Variants in WNK1 observed in about 807,000 individuals in gnomAD.
WNK1 encodes the protein WNK lysine deficient protein kinase 1.
A neutral mutation model predicts 222.8 loss-of-function variants in WNK1; 38 were observed. The observed-to-expected ratio is 0.17, with a 90% confidence interval of 0.13 to 0.22. WNK1 has a LOEUF of 0.22. WNK1 is among the 10% of genes least tolerant of loss of function. The pLI is 1.00. For synonymous variants in WNK1, 1,090 were observed against 1,092.9 expected (o/e 1.00, Z 0.05); for missense variants, 2,348 against 2,918.4 (o/e 0.80, Z 4.50).
intron 1 of WNK1, among the ~76,000 whole-genome samples, chr12:807,238 A>C (rs1946443358): frequency 6.6e-6 from 1 of 150,942 alleles, no homozygotes; most frequent in South Asian, 2.1e-4. Context: ...GCAGAGAATC[A>C]CTTGAGGCCA....
Position 909,502 on chromosome 12 carries a change from G to A in WNK1, c.*710G>A, listed in dbSNP as rs903226716. 1 of 152,232 alleles carries A rather than the reference G, an allele frequency of 6.6e-6. No individual in the cohort carries two copies. Among genetic ancestry groups the A allele is most frequent in the Admixed American group, 6.5e-5 (1 of 15,280 alleles). 9.4% of individuals were successfully genotyped at this position (152,232 alleles called of 1,614,324 possible). ...ATATATAAAATGTTGTTGGACAACAGTAGTTTTAAGAGTAAAATATGAAAC... is the reference window on the plus strand; with the variant it reads ...ATATATAAAATGTTGTTGGACAACAATAGTTTTAAGAGTAAAATATGAAAC... On this transcript the variant is annotated 3_prime_UTR_variant, in exon 28 of 28. Transcript: ENST00000315939.
In WNK1 at chr12:817,749, C is replaced by T. The variant is rs150123615; in HGVS notation, c.932+3935C>T. Among the ~76,000 whole-genome samples the T allele has an allele frequency of 4.6e-3, 694 of 152,108 alleles. 9 individuals are homozygous for T. Among genetic ancestry groups the T allele is most frequent in the African/African-American group, 0.016 (668 of 41,498 alleles). On this transcript the variant is annotated intron_variant, in intron 2 of 27. Coordinates refer to ENST00000315939, the MANE Select transcript of WNK1 (RefSeq NM_018979.4). ...AGGTCAGGATCACCTGAGGTCAGTT[C>T]GAAACCAGCCTGTCCAACATGGTGA... is the stretch of plus-strand genomic sequence containing the variant.
chr12:851,767 G>T (rs1187730142), intron 4 of WNK1: 2 of 1,346,026 alleles, frequency 1.5e-6, no homozygotes, highest in Non-Finnish European at 2.0e-6. Context: ...GCCCTCAAAA[G>T]GATTGTATAA....
At chr12:780,680 A>G (rs1390852850) in intron 1 of WNK1, among the ~76,000 whole-genome samples, 2 of 152,226 alleles carry the variant, frequency 1.3e-5, no homozygotes, top group Non-Finnish European at 2.9e-5. Context: ...CTGAATTAAT[A>G]CTTACATGCT....
intron 9 of WNK1, among the ~76,000 whole-genome samples, chr12:874,816 GA>G (rs1952464345): frequency 6.6e-6 from 1 of 152,050 alleles, no homozygotes; most frequent in South Asian, 2.1e-4. Context: ...CAGCTTATAA[GA>G]GGTAAAAACA....
chr12:881,036 A>G (rs1299189810), intron 12 of WNK1, 37 bp downstream of exon 12: 3 of 1,612,306 alleles, frequency 1.9e-6, no homozygotes, highest in East Asian at 4.5e-5. Flanking sequence ...TGTAAAACGT[A>G]TATATGTAAT....
At chr12:858,533 T>C (rs1315764319) in intron 5 of WNK1, among the ~76,000 whole-genome samples, 1 of 152,164 alleles carries the variant, frequency 6.6e-6, no homozygotes, top group Admixed American at 6.5e-5. Flanking sequence ...GATTGGCATA[T>C]TGAAACCATT....
chr12:805,442 A>G (rs1946289153), intron 1 of WNK1, among the ~76,000 whole-genome samples: 1 of 152,214 alleles, frequency 6.6e-6, no homozygotes, highest in African/African-American at 2.4e-5. Context: ...GTAAATGGAA[A>G]AAATACATAT....
chr12:809,129 A>G (rs1258274717), intron 1 of WNK1, among the ~76,000 whole-genome samples: 1 of 151,704 alleles, frequency 6.6e-6, no homozygotes, highest in African/African-American at 2.4e-5. Flanking sequence ...TTGTAAATAA[A>G]TAAAGTGTAT....
intron 1 of WNK1, among the ~76,000 whole-genome samples, chr12:778,939 C>T (rs535078317): frequency 1.4e-4 from 22 of 152,086 alleles, no homozygotes; most frequent in Non-Finnish European, 2.9e-4. Context: ...CTGGGAATCT[C>T]AGAACTCAGG....
In WNK1 at chr12:784,668, TCTC is replaced by T. The variant is rs566335752; in HGVS notation, c.760-28971_760-28969del. Among the ~76,000 whole-genome samples, 17 of 152,348 alleles carry T rather than the reference TCTC, an allele frequency of 1.1e-4. No individual in the cohort carries two copies. In the South Asian group the frequency reaches 3.3e-3, roughly 30 times the overall value. On this transcript the variant is annotated intron_variant, in intron 1 of 27. Transcript: ENST00000315939. Reference sequence around the variant, plus strand: ...AAGTCTTCCCTCCTAGCTGTGCAAATCTCCTGTCACTACATTAAAACTTTTAGA... The same window carrying T: ...AAGTCTTCCCTCCTAGCTGTGCAAATCTGTCACTACATTAAAACTTTTAGA...
In WNK1 at chr12:754,044, C is replaced by G; in HGVS notation, c.479C>G (p.Thr160Ser). 6.3e-7 allele frequency: 1 copy of G among 1,596,006 alleles called. No homozygotes were observed. The highest frequency in any genetic ancestry group is 1.1e-5 in the South Asian group (1 of 89,726). ...GPAPSTVPSS[T>S]SKDRPVSQPS... ...GCCCCCTCGACTGTCCCCAGCAGTA[C>G]CAGCAAAGACCGCCCAGTGTCCCAG... Residue 160 changes from threonine (T) to serine (S), a missense_variant, in exon 1 of 28, where the codon ACC becomes AGC. Thr to Ser is a moderately conservative substitution (Grantham distance 58). Transcript: ENST00000315939.
Position 897,661 on chromosome 12 carries a change from A to G in WNK1, c.6428A>G (p.Asn2143Ser), listed in dbSNP as rs761800222. 12 of 1,614,104 alleles carry G rather than the reference A, an allele frequency of 7.4e-6. No homozygotes were observed. In the Admixed American group the frequency reaches 1.2e-4, roughly 16 times the overall value. ...TCTAGTCGAAGCAGTTCCTTGGGGA[A>G]TAAAAGCCCCCAGCTTTCAGGTAAA... ...SKSSRSSSLGNKSPQLSGNLS... is the reference protein window; with the variant it reads ...SKSSRSSSLGSKSPQLSGNLS... Residue 2143 changes from asparagine to serine, a missense_variant, in exon 25 of 28, where the codon AAT (asparagine) becomes AGT (serine). Asn to Ser is a conservative substitution (Grantham distance 46, BLOSUM62 1). Coordinates refer to ENST00000315939, the MANE Select transcript of WNK1 (RefSeq NM_018979.4).
At chr12:793,685 T>C (rs966734049) in intron 1 of WNK1, among the ~76,000 whole-genome samples, 50 of 152,196 alleles carry the variant, frequency 3.3e-4, no homozygotes, top group Non-Finnish European at 2.1e-4. Context: ...ATAGGTTGAC[T>C]AAATATGGCA....
chr12:793,450 A>G (rs1421088042), intron 1 of WNK1, among the ~76,000 whole-genome samples: 1 of 152,192 alleles, frequency 6.6e-6, no homozygotes, highest in East Asian at 1.9e-4. Flanking sequence ...TAATGATAGT[A>G]TTTCTTTTTT....
At chr12:793,913 T>C (rs2107614) in intron 1 of WNK1, among the ~76,000 whole-genome samples, 97,426 of 151,978 alleles carry the variant, frequency 0.64, 32,092 homozygotes, top group East Asian at 0.87. Flanking sequence ...AAAAGAAAAC[T>C]CCATTTCCCC....
At chr12:860,957 G>T in intron 6 of WNK1, 56 bp from the exon 7 acceptor site, 1 of 1,517,482 alleles carries the variant, frequency 6.6e-7, no homozygotes. Flanking sequence ...GGTGGTGGTG[G>T]GGGGTGTTGT....
At chr12:906,474 T>A in intron 26 of WNK1, 12 of 985,334 alleles carry the variant, frequency 1.2e-5, no homozygotes, top group Non-Finnish European at 1.4e-5. Flanking sequence ...ATGGGAGTGC[T>A]TGCTGTTCTG....
intron 5 of WNK1, among the ~76,000 whole-genome samples, 193 bp from the exon 6 acceptor site, chr12:859,052 G>A (rs1459044031): frequency 6.6e-6 from 1 of 152,136 alleles, no homozygotes; most frequent in Non-Finnish European, 1.5e-5. Flanking sequence ...TTGTTATGAT[G>A]TTTTATAACT....
Sources: allele counts gnomAD v4.1 joint callset (sites outside exome capture counted in the v4.1 genomes callset), GRCh38; gene constraint gnomAD v4.1.1; transcripts MANE v1.5; gene names NCBI Gene and HGNC (gene_info 2026-07-23, HGNC 2026-07-21).